The following SEMA5A variants were observed in gnomAD, a reference collection of about 807,000 sequenced individuals.
SEMA5A encodes the protein semaphorin-5A.
SEMA5A carries 55 observed loss-of-function variants against 135.5 expected under a neutral mutation model. That is an observed-to-expected ratio of 0.41 (90% CI 0.33 to 0.51). SEMA5A has a LOEUF of 0.51. Ranked by LOEUF, SEMA5A falls within the 20% of genes least tolerant of loss-of-function variation. SEMA5A has a pLI of 0.37. For missense variants in SEMA5A, 1,290 were observed against 1,419.9 expected, an observed-to-expected ratio of 0.91 and a Z score of 1.47; for synonymous variants, 580 against 546.5, an observed-to-expected ratio of 1.06 and a Z score of -0.85.
chr5:9,202,072 A>G lies in SEMA5A; in HGVS notation c.815T>C (p.Met272Thr). The change falls in exon 9 of 23, where the codon ATG becomes ACG. Residue 272 changes from methionine to threonine, a missense_variant. By Grantham distance (81) the Met-to-Thr change is moderately conservative. Coordinates refer to ENST00000382496, the MANE Select transcript of SEMA5A (RefSeq NM_003966.3). Reference protein sequence around the residue: ...FLLEDTWTTFMKARLNCSRPG... With the variant: ...FLLEDTWTTFTKARLNCSRPG... ...ACGGGAGCAGTTCAGGCGAGCCTTC[A>G]TGAATGTGGTCCAGGTGTCTTCCAG... The G allele has an allele frequency of 6.2e-7, 1 of 1,614,222 alleles. No homozygotes were observed. Among genetic ancestry groups the G allele is most frequent in the Non-Finnish European group, 8.5e-7 (1 of 1,180,038 alleles).
intron 5 of SEMA5A, chr5:9,280,908 T>C (rs1238582739): frequency 8.5e-6 from 2 of 235,688 alleles, no homozygotes; most frequent in Non-Finnish European, 1.8e-5. Flanking sequence ...ACAATTTAAA[T>C]AATTCCTCCG....
intron 16 of SEMA5A, among the ~76,000 whole-genome samples, chr5:9,092,434 T>C (rs72643786): frequency 0.06 from 9,068 of 152,274 alleles, 625 homozygotes; most frequent in East Asian, 0.3. Context: ...TTCTTGCCTG[T>C]GGGGACCTGA....
intron 18 of SEMA5A, among the ~76,000 whole-genome samples, chr5:9,061,063 TCTCCTTGGTGAAATCCACCAAGGGGCTGG>T (rs1315289271): frequency 4.6e-5 from 7 of 151,716 alleles, no homozygotes; most frequent in African/African-American, 7.3e-5. Flanking sequence ...TGCCATGATT[TCTCCTTGGTGAAATCCACCAAGGGGCTGG>T]CTCCTTGGTG....
chr5:9,209,532 A>C (rs759122567), intron 8 of SEMA5A, among the ~76,000 whole-genome samples: 4 of 152,250 alleles, frequency 2.6e-5, no homozygotes, highest in African/African-American at 9.6e-5. Context: ...CTCCTAAAAA[A>C]TATGTTAAAA....
At chr5:9,416,961 T>C (rs1052139541) in intron 2 of SEMA5A, among the ~76,000 whole-genome samples, 1 of 152,266 alleles carries the variant, frequency 6.6e-6, no homozygotes, top group Non-Finnish European at 1.5e-5. Flanking sequence ...GGTAGCATTA[T>C]GTTCTGTAAG....
intron 1 of SEMA5A, among the ~76,000 whole-genome samples, chr5:9,479,544 C>T (rs1278989179): frequency 2.0e-5 from 3 of 152,188 alleles, no homozygotes; most frequent in Non-Finnish European, 4.4e-5. Context: ...AACATCTACC[C>T]TGTAGGAATG....
At chr5:9,396,789 C>T (rs535846092) in intron 2 of SEMA5A, among the ~76,000 whole-genome samples, 2 of 152,314 alleles carry the variant, frequency 1.3e-5, no homozygotes, top group East Asian at 1.9e-4. Context: ...TCCTTCCCCA[C>T]GTGGCCCTGT....
intron 5 of SEMA5A, among the ~76,000 whole-genome samples, chr5:9,306,397 T>C (rs1159489816): frequency 1.3e-5 from 2 of 152,104 alleles, no homozygotes; most frequent in African/African-American, 4.8e-5. Context: ...TAATACAATA[T>C]TTTTTTTCTG....
chr5:9,535,675 G>C (rs1737722479), intron 1 of SEMA5A, among the ~76,000 whole-genome samples: 1 of 152,094 alleles, frequency 6.6e-6, no homozygotes, highest in Non-Finnish European at 1.5e-5. Flanking sequence ...CACCACCTTT[G>C]AGGAGTAAGG....
intron 2 of SEMA5A, among the ~76,000 whole-genome samples, chr5:9,421,455 T>A (rs1757465343): frequency 6.6e-6 from 1 of 152,234 alleles, no homozygotes; most frequent in African/African-American, 2.4e-5. Flanking sequence ...TACATGCCCT[T>A]ATATATGTAT....
At chr5:9,122,539 T>C (rs1160200172) in intron 14 of SEMA5A, 117 bp downstream of exon 14, 4 of 1,018,554 alleles carry the variant, frequency 3.9e-6, no homozygotes, top group Non-Finnish European at 5.3e-6. Context: ...TGAATGTCCC[T>C]GGTGTTTCAC....
chr5:9,119,417 A>G (rs1265174274), intron 14 of SEMA5A, among the ~76,000 whole-genome samples: 1 of 152,240 alleles, frequency 6.6e-6, no homozygotes, highest in Non-Finnish European at 1.5e-5. Flanking sequence ...GAAACTATCA[A>G]AAAACTTGAG....
intron 4 of SEMA5A, among the ~76,000 whole-genome samples, chr5:9,321,192 T>G (rs981147911): frequency 6.6e-6 from 1 of 152,164 alleles, no homozygotes; most frequent in African/African-American, 2.4e-5. Context: ...CCCCTTCACC[T>G]TCCACCATGA....
chr5:9,361,606 A>G (rs2126378501), intron 3 of SEMA5A, among the ~76,000 whole-genome samples: 1 of 152,280 alleles, frequency 6.6e-6, no homozygotes, highest in East Asian at 1.9e-4. Context: ...ATTTTCATCC[A>G]CCTCATAATG....
chr5:9,052,096 G>A (rs1260086607), intron 19 of SEMA5A, 68 bp from the exon 20 acceptor site: 8 of 1,434,420 alleles, frequency 5.6e-6, no homozygotes, highest in East Asian at 2.5e-5. Context: ...AGACTCACTG[G>A]CAAGTTACAT....
At chr5:9,190,644 C>A (rs1161891620) in intron 10 of SEMA5A, among the ~76,000 whole-genome samples, 173 bp from the exon 11 acceptor site, 4 of 152,146 alleles carry the variant, frequency 2.6e-5, no homozygotes, top group African/African-American at 9.7e-5. Context: ...CCTTAGCATC[C>A]TTTTCATGTT....
chr5:9,180,614 G>T (rs1390901622), intron 11 of SEMA5A, among the ~76,000 whole-genome samples: 1 of 152,166 alleles, frequency 6.6e-6, no homozygotes, highest in African/African-American at 2.4e-5. Flanking sequence ...TCTCAGGAGT[G>T]ATGGCAGCCG....
intron 5 of SEMA5A, chr5:9,265,561 A>G: frequency 2.2e-6 from 1 of 456,328 alleles, no homozygotes; most frequent in South Asian, 1.5e-5. Flanking sequence ...TATGTGACTC[A>G]TAAACTGCTG....
intron 6 of SEMA5A, 161 bp downstream of exon 6, chr5:9,237,667 G>T: frequency 2.2e-6 from 1 of 457,420 alleles, no homozygotes; most frequent in Non-Finnish European, 3.8e-6. Flanking sequence ...TTTTAATTTA[G>T]TATTAAAAAC....
Sources: allele counts gnomAD v4.1 joint callset (sites outside exome capture counted in the v4.1 genomes callset), GRCh38; gene constraint gnomAD v4.1.1; transcripts MANE v1.5; gene names NCBI Gene and HGNC (gene_info 2026-07-23, HGNC 2026-07-21).